The following OBSL1 variants were observed in gnomAD, a reference collection of about 807,000 sequenced individuals.
The protein encoded by OBSL1 is obscurin-like protein 1.
Under a neutral mutation model 172.0 loss-of-function variants are expected in OBSL1, and 160 were observed. The observed-to-expected ratio is 0.93, with a 90% confidence interval of 0.82 to 1.06. The LOEUF (loss-of-function observed/expected upper bound fraction) is 1.06. Ranked by LOEUF, OBSL1 falls within the 50% of genes least tolerant of loss-of-function variation. The pLI is 0.00. For missense variants in OBSL1, 2,681 were observed against 2,715.4 expected, an observed-to-expected ratio of 0.99 and a Z score of 0.28; for synonymous variants, 1,200 against 1,196.3, an observed-to-expected ratio of 1.00 and a Z score of -0.06.
chr2:219,561,371 G>C (rs537449942), intron 8 of OBSL1, among the ~76,000 whole-genome samples: 1 of 152,082 alleles, frequency 6.6e-6, no homozygotes, highest in Admixed American at 6.5e-5. Flanking sequence ...CTGAACCTCC[G>C]TCACTTCCAC....
rs1696546493 is a variant in OBSL1, at chr2:219,562,409, G to GGTGACA, written c.2940_2945dup (p.Val983_Thr984dup). 1 of 1,613,434 alleles carries GGTGACA rather than the reference G, an allele frequency of 6.2e-7. No individual in the cohort carries two copies. The highest frequency in any genetic ancestry group is 1.3e-5 in the African/African-American group (1 of 75,056). ...GCTGGGCTGGGCCCACACCTGTGAC[G>GGTGACA]GTGACAGTGAAGGAGGCCGACTCAT... On this transcript the variant is annotated inframe_insertion, in exon 8 of 21. Transcript: ENST00000404537.
Position 219,556,447 on chromosome 2 carries a change from A to T in OBSL1, c.4336+7T>A. 1 of 1,613,634 alleles carries T rather than the reference A, an allele frequency of 6.2e-7. No individual in the cohort carries two copies. The highest frequency in any genetic ancestry group is 8.5e-7 in the Non-Finnish European group (1 of 1,179,854). ...CACAGAGTATCTCATCCTCATCAGG[A>T]CCTAACCTCGAACATGGAGCCGGGC... On this transcript the variant is annotated splice_region_variant and intron_variant, in intron 13 of 20. Coordinates refer to ENST00000404537, the MANE Select transcript of OBSL1 (RefSeq NM_015311.3).
At position 219,558,242 on chromosome 2, in the gene OBSL1, G is replaced by A. The variant is rs370898199; in HGVS notation, c.3444C>T (p.Ala1148=). The A allele has an allele frequency of 2.7e-4, 440 of 1,610,180 alleles. No homozygotes were observed. Among genetic ancestry groups the A allele is most frequent in the Admixed American group, 7.9e-4 (47 of 59,556 alleles). Residue 1148 remains alanine, a synonymous_variant, in exon 10 of 21, where the codon GCC becomes GCT. Transcript: ENST00000404537. ...GCCGGGTCTCACACACATACTCCCC[G>A]GCGTCCTCAGGCTGGGCGTGGGGCA... ...LTLPHAQPED[A]GEYVCETRHE...
intron 5 of OBSL1, among the ~76,000 whole-genome samples, chr2:219,565,963 T>C (rs898543802): frequency 6.6e-6 from 1 of 152,182 alleles, no homozygotes; most frequent in Admixed American, 6.5e-5. Context: ...CCTTGAACTT[T>C]GAGCGCCCCA....
intron 15 of OBSL1, 101 bp downstream of exon 15, chr2:219,554,373 C>A (rs1216414644): frequency 9.5e-6 from 13 of 1,372,770 alleles, no homozygotes; most frequent in Non-Finnish European, 1.2e-5. Flanking sequence ...CTGAGACAGG[C>A]ATGGTCAGTG....
Position 219,565,350 on chromosome 2 carries a change from C to G in OBSL1, c.2299G>C (p.Asp767His). 2 of 1,614,030 alleles carry G rather than the reference C, an allele frequency of 1.2e-6. No individual in the cohort carries two copies. Among genetic ancestry groups the G allele is most frequent in the Non-Finnish European group, 1.7e-6 (2 of 1,179,904 alleles). ...EESELLVVKM[D>H]GRKHRLILPE... ...AGGATCAGACGGTGTTTGCGCCCATCCATCTTCACCACCAGCAACTCGCTC... is the reference window on the plus strand; with the variant it reads ...AGGATCAGACGGTGTTTGCGCCCATGCATCTTCACCACCAGCAACTCGCTC... The change falls in exon 6 of 21, where the codon GAT (aspartate) becomes CAT (histidine). Residue 767 changes from aspartate to histidine, a missense_variant. Physicochemically the swap from Asp to His is moderately conservative, Grantham distance 81. Around this residue, in one of 5 missense-constraint regions of OBSL1, gnomAD observed 1,765 missense variants for 1,748.3 expected, o/e 1.01. Transcript: ENST00000404537.
intron 14 of OBSL1, chr2:219,555,556 A>G (rs942460813): frequency 2.3e-6 from 2 of 860,756 alleles, no homozygotes; most frequent in Non-Finnish European, 2.8e-6. Context: ...TTAGGATTAT[A>G]GGCGTGAGCC....
At chr2:219,558,158 GC>G (rs754366398) in intron 10 of OBSL1, 25 bp downstream of exon 10, 11 of 1,609,536 alleles carry the variant, frequency 6.8e-6, no homozygotes, top group African/African-American at 1.3e-5. Context: ...TTGCCTCCCT[GC>G]CCTGGGTTGG....
intron 8 of OBSL1, chr2:219,561,906 C>G (rs537387643): frequency 1.4e-6 from 1 of 717,452 alleles, no homozygotes; most frequent in Non-Finnish European, 2.6e-6. Flanking sequence ...AGCTGTTCGT[C>G]GCCATGGGGG....
Position 219,562,607 on chromosome 2 carries a change from C to T in OBSL1, c.2748G>A (p.Val916=), listed in dbSNP as rs1279584362. 1 of 1,606,706 alleles carries T rather than the reference C, an allele frequency of 6.2e-7. No homozygotes were observed. Among genetic ancestry groups the T allele is most frequent in the Non-Finnish European group, 8.5e-7 (1 of 1,176,962 alleles). The change falls in exon 8 of 21, where the codon GTG becomes GTA. Residue 916 remains valine (V), a synonymous_variant. Coordinates refer to ENST00000404537, the MANE Select transcript of OBSL1 (RefSeq NM_015311.3). The part of the protein sequence containing the change: ...VYVAAVRLER[V]VLTCELCRPW... The stretch of plus-strand genomic sequence containing the variant: ...GCCGGCATAGCTCACAGGTCAGCAC[C>T]ACACGCTCCAGGCGCACGGCTGCCA...
rs920034586 is a variant in OBSL1, at chr2:219,571,468, A to AGTCCT, written c.-241_-237dup. On this transcript the variant is annotated 5_prime_UTR_variant, in exon 1 of 21. Transcript: ENST00000404537. ...GCCCGAAGCCTGGCGCTCAGGGGGC[A>AGTCCT]GTCCTTCCTGTTTGCCTCTCCAGCG... The AGTCCT allele has an allele frequency of 2.0e-4, 59 of 298,232 alleles. No homozygotes were observed. Among genetic ancestry groups the AGTCCT allele is most frequent in the African/African-American group, 1.3e-3 (58 of 45,374 alleles). 18.5% of individuals were successfully genotyped at this position (298,232 alleles called of 1,614,324 possible). A position where few individuals can be genotyped will look rare whatever the true frequency, so the allele number is the denominator to read the frequency against.
At chr2:219,549,052 A>G (rs1251714043), downstream of OBSL1, 3 of 1,349,490 alleles carry the variant, frequency 2.2e-6, no homozygotes, top group African/African-American at 4.3e-5. Context: ...GACAAGAGGA[A>G]TCTGGAAGCC....
chr2:219,554,849 A>C, intron 14 of OBSL1, 109 bp from the exon 15 acceptor site: 1 of 1,315,712 alleles, frequency 7.6e-7, no homozygotes, highest in Non-Finnish European at 1.0e-6. Flanking sequence ...ACCCAACCTA[A>C]GGTCCTGACC....
In OBSL1 at chr2:219,571,092, CT is replaced by C; in HGVS notation, c.140del (p.Lys47ArgfsTer12). The C allele has an allele frequency of 6.8e-7, 1 of 1,470,146 alleles. No individual in the cohort carries two copies. The highest frequency in any genetic ancestry group is 2.9e-5 in the East Asian group (1 of 33,996). The allele number at this position is 1,470,146 out of a possible 1,614,324, so 91.1% of individuals were successfully genotyped here. A position where few individuals can be genotyped will look rare whatever the true frequency, so the allele number is the denominator to read the frequency against. ...CCGAGGCCGCCAGCTGCTGCCCGCC[CT>C]TCTCCCACACCACTACAGGCGGCGG... is the stretch of plus-strand genomic sequence containing the variant. ...GEPPPVVVWE[K>X]GGQQLAASER... On this transcript the variant is annotated frameshift_variant, in exon 1 of 21. Coordinates refer to ENST00000404537, the MANE Select transcript of OBSL1 (RefSeq NM_015311.3). LOFTEE classifies it high-confidence loss of function.
chr2:219,563,265 A>C, intron 7 of OBSL1, 90 bp downstream of exon 7: 2 of 1,338,160 alleles, frequency 1.5e-6, no homozygotes, highest in Non-Finnish European at 2.0e-6. Context: ...GGGGCGGGGA[A>C]CAGTGGCCTG....
chr2:219,561,839 G>C (rs1462552894), intron 8 of OBSL1: 1 of 716,374 alleles, frequency 1.4e-6, no homozygotes, highest in Non-Finnish European at 2.6e-6. Context: ...CAATGGCAGG[G>C]AGGTGGGACA....
In OBSL1 at chr2:219,567,052, C is replaced by T. The variant is rs150250100; in HGVS notation, c.1912G>A (p.Asp638Asn). The T allele has an allele frequency of 2.5e-4, 398 of 1,613,350 alleles. 2 individuals carry two copies. The African/African-American group carries it at 4.8e-3, about 19-fold the overall frequency. The change falls in exon 5 of 21, where the codon GAT becomes AAT. Residue 638 changes from aspartate (D) to asparagine (N), a missense_variant. Asp to Asn is a conservative substitution (Grantham distance 23). Around this residue, in one of 5 missense-constraint regions of OBSL1, gnomAD observed 53 missense variants for 85.5 expected, o/e 0.62. Transcript: ENST00000404537. ...YDGEDAVFSLDLSTIIQGTWF... is the reference protein window; with the variant it reads ...YDGEDAVFSLNLSTIIQGTWF... ...GTACCCTGGATGATGGTGGAGAGATCGAGGGAGAAGACGGCATCTTCCCCG... is the reference window on the plus strand; with the variant it reads ...GTACCCTGGATGATGGTGGAGAGATTGAGGGAGAAGACGGCATCTTCCCCG...
chr2:219,552,061 G>A, intron 19 of OBSL1, 51 bp downstream of exon 19: 1 of 1,501,778 alleles, frequency 6.7e-7, no homozygotes, highest in Admixed American at 1.9e-5. Flanking sequence ...CAGTCCCATG[G>A]CAGGAGAGAC....
chr2:219,563,720 A>G, intron 6 of OBSL1, 93 bp from the exon 7 acceptor site: 1 of 1,374,074 alleles, frequency 7.3e-7, no homozygotes, highest in Non-Finnish European at 1.0e-6. Flanking sequence ...TCTGCACAAG[A>G]GGACACTGGA....
Sources: allele counts gnomAD v4.1 joint callset (sites outside exome capture counted in the v4.1 genomes callset), GRCh38; gene constraint gnomAD v4.1.1; regional missense constraint gnomAD v4.1.1; transcripts MANE v1.5; gene names NCBI Gene and HGNC (gene_info 2026-07-23, HGNC 2026-07-21).